The following LOXL2 variants were observed in gnomAD, a reference collection of about 807,000 sequenced individuals.
LOXL2 encodes the protein lysyl oxidase like 2.
In LOXL2, 70 loss-of-function variants were observed where a neutral mutation model predicts 93.0. The observed-to-expected ratio is 0.75, with a 90% CI of 0.62 to 0.92. LOXL2 has a LOEUF of 0.92. Ranked by LOEUF, LOXL2 falls within the 40% of genes least tolerant of loss-of-function variation. LOXL2 has a pLI of 0.00. For synonymous variants in LOXL2, 438 were observed against 413.2 expected (o/e 1.06, Z -0.73); for missense variants, 973 against 1,054.9 (o/e 0.92, Z 1.08).
At chr8:23,317,882 G>A (rs1386825412) in intron 8 of LOXL2, among the ~76,000 whole-genome samples, 1 of 137,308 alleles carries the variant, frequency 7.3e-6, no homozygotes, top group Admixed American at 7.6e-5. Context: ...TGGAGGCTGA[G>A]GCAGGATTAG....
At chr8:23,403,472 C>A (rs991040938) in intron 1 of LOXL2, among the ~76,000 whole-genome samples, 5 of 152,140 alleles carry the variant, frequency 3.3e-5, no homozygotes, top group African/African-American at 1.2e-4. Context: ...TCCCCGCCCC[C>A]ACTCCGTCCC....
chr8:23,386,673 CAAGGGTGTCTCAACATTGACAGTCT>C (rs71548891), intron 1 of LOXL2, among the ~76,000 whole-genome samples: 20,670 of 152,008 alleles, frequency 0.14, 1,772 homozygotes, highest in East Asian at 0.3. Context: ...GGAAGACCTC[CAAGGGTGTCTCAACATTGACAGTCT>C]AAGAAGCATC....
chr8:23,388,405 C>G (rs1302792565), intron 1 of LOXL2, among the ~76,000 whole-genome samples: 1 of 151,980 alleles, frequency 6.6e-6, no homozygotes, highest in Non-Finnish European at 1.5e-5. Flanking sequence ...TAGGGAGATC[C>G]TGTCTCTACA....
chr8:23,301,198 G>A (rs1437535894), intron 12 of LOXL2, among the ~76,000 whole-genome samples: 1 of 152,234 alleles, frequency 6.6e-6, no homozygotes, highest in East Asian at 1.9e-4. Context: ...GGGCAAGCTG[G>A]AAAACGAGAT....
At chr8:23,347,079 G>A (rs1162395475) in intron 3 of LOXL2, among the ~76,000 whole-genome samples, 2 of 152,122 alleles carry the variant, frequency 1.3e-5, no homozygotes, top group Non-Finnish European at 2.9e-5. Flanking sequence ...AGCACTTTGG[G>A]AGGCTGAGGT....
In LOXL2 at chr8:23,323,855, C is replaced by T. The variant is rs145152096; in HGVS notation, c.1151-1574G>A. On this transcript the variant is annotated intron_variant, in intron 6 of 13. Coordinates refer to ENST00000389131, the MANE Select transcript of LOXL2 (RefSeq NM_002318.3). ...TAGCTGGAAATACAGGCACATGCCA[C>T]CATGCCCAGCTAATTTTTGTGTTTT... is the stretch of plus-strand genomic sequence containing the variant. Among the ~76,000 whole-genome samples, 537 of 152,262 alleles carry T rather than the reference C, an allele frequency of 3.5e-3. 7 individuals are homozygous for T. Among genetic ancestry groups the T allele is most frequent in the African/African-American group, 0.012 (516 of 41,540 alleles).
chr8:23,371,200 G>A (rs937432141), intron 1 of LOXL2: 3 of 152,204 alleles, frequency 2.0e-5, no homozygotes, highest in Non-Finnish European at 4.4e-5. Flanking sequence ...TCTGTGCCCA[G>A]TGAAGAGAAC....
intron 2 of LOXL2, among the ~76,000 whole-genome samples, chr8:23,362,784 G>A (rs1804321973): frequency 6.6e-6 from 1 of 152,076 alleles, no homozygotes; most frequent in African/African-American, 2.4e-5. Flanking sequence ...ATGTACATTT[G>A]GCCATAATTT....
At chr8:23,347,385 C>T (rs1041694033) in intron 3 of LOXL2, among the ~76,000 whole-genome samples, 4 of 147,614 alleles carry the variant, frequency 2.7e-5, no homozygotes, top group Non-Finnish European at 4.5e-5. Flanking sequence ...AGGTGGGGCA[C>T]GGTGGCTCAT....
intron 2 of LOXL2, among the ~76,000 whole-genome samples, chr8:23,361,764 C>T (rs934798592): frequency 9.2e-5 from 14 of 151,992 alleles, no homozygotes; most frequent in African/African-American, 2.7e-4. Context: ...CGCTTGAACC[C>T]GGGAGACAGA....
rs187278636 is a variant in LOXL2 at position 23,361,887 on chromosome 8, C to T, written c.356-1622G>A. Among the ~76,000 whole-genome samples, 27 of 152,060 alleles carry T rather than the reference C, an allele frequency of 1.8e-4. No homozygotes were observed. In the East Asian group the frequency reaches 4.6e-3, roughly 26 times the overall value. On this transcript the variant is annotated intron_variant, in intron 2 of 13. Transcript: ENST00000389131. ...AACAAACAAAAAAAACAGAAAATGA[C>T]AGTGCTGGCAAGGGTATGGAAACTG...
chr8:23,328,721 G>A, intron 5 of LOXL2, 156 bp from the exon 6 acceptor site: 1 of 622,102 alleles, frequency 1.6e-6, no homozygotes, highest in South Asian at 1.9e-5. Flanking sequence ...GTGTGTGTGT[G>A]TGTGTGTGTG....
intron 3 of LOXL2, among the ~76,000 whole-genome samples, chr8:23,358,105 T>G (rs114814480): frequency 6.6e-6 from 1 of 152,330 alleles, no homozygotes; most frequent in African/African-American, 2.4e-5. Flanking sequence ...GATGGAAAAT[T>G]TTGTGAAACT....
At chr8:23,382,082 A>G (rs1804688041) in intron 1 of LOXL2, among the ~76,000 whole-genome samples, 3 of 152,192 alleles carry the variant, frequency 2.0e-5, no homozygotes, top group African/African-American at 7.2e-5. Flanking sequence ...AGAGCTCACA[A>G]AGGAGCTGGA....
intron 4 of LOXL2, among the ~76,000 whole-genome samples, chr8:23,338,755 A>G (rs1803836182): frequency 6.6e-6 from 1 of 152,162 alleles, no homozygotes. Context: ...TGCAGTCCTC[A>G]GCTTCTGAGC....
At chr8:23,307,937 T>A (rs1210600578) in intron 10 of LOXL2, among the ~76,000 whole-genome samples, 1 of 88,954 alleles carries the variant, frequency 1.1e-5, no homozygotes, top group East Asian at 3.6e-4. Context: ...TGTGACTAGG[T>A]CATCAGCTGC....
chr8:23,387,619 G>C (rs1265107024), intron 1 of LOXL2, among the ~76,000 whole-genome samples: 1 of 152,176 alleles, frequency 6.6e-6, no homozygotes, highest in Non-Finnish European at 1.5e-5. Context: ...TAAGTCTCAG[G>C]ATTTCATCTA....
chr8:23,368,536 G>T, intron 1 of LOXL2, 102 bp from the exon 2 acceptor site: 1 of 608,060 alleles, frequency 1.6e-6, no homozygotes, highest in Non-Finnish European at 2.9e-6. Flanking sequence ...TGGAAAGCTC[G>T]TCCATTCTCG....
chr8:23,336,602 G>A (rs972213832), intron 4 of LOXL2: 2 of 152,366 alleles, frequency 1.3e-5, no homozygotes, highest in South Asian at 2.1e-4. Flanking sequence ...GAGTCCTACC[G>A]ACCGGTGCTC....
Sources: gnomAD v4.1 joint callset for allele counts (sites outside exome capture counted in the v4.1 genomes callset) on GRCh38, gnomAD v4.1.1 for gene constraint, MANE v1.5 for transcripts, NCBI Gene and HGNC (gene_info 2026-07-23, HGNC 2026-07-21) for gene names.